FAM110B: variants seen among roughly 807,000 people sequenced by gnomAD.
FAM110B encodes family with sequence similarity 110 member B, also known as protein FAM110B.
A neutral mutation model predicts 20.4 loss-of-function variants in FAM110B; 6 were observed. That is an observed-to-expected ratio of 0.29 (90% CI 0.16 to 0.58). The LOEUF (loss-of-function observed/expected upper bound fraction) is 0.58, where lower values mean the gene tolerates loss of function less well. Ranked by LOEUF, FAM110B falls within the 20% of genes least tolerant of loss-of-function variation. The pLI is 0.90. For synonymous variants in FAM110B, 226 were observed against 214.1 expected (o/e 1.06, Z -0.49); for missense variants, 434 against 498.2 (o/e 0.87, Z 1.23).
At chr8:58,130,998 A>G (rs1413865994) in intron 3 of FAM110B, among the ~76,000 whole-genome samples, 1 of 152,098 alleles carries the variant, frequency 6.6e-6, no homozygotes, top group East Asian at 1.9e-4. Flanking sequence ...GCCCACCCTC[A>G]GCCTCCAACA....
intron 3 of FAM110B, among the ~76,000 whole-genome samples, chr8:58,093,305 T>C (rs879392146): frequency 2.0e-5 from 3 of 152,222 alleles, no homozygotes; most frequent in African/African-American, 2.4e-5. Flanking sequence ...TTTGGTGTTT[T>C]AGTCATGAAG....
At chr8:58,006,923 A>ATATATATATATATATATTTTTTTTTTTTT in intron 1 of FAM110B, among the ~76,000 whole-genome samples, 2 of 126,512 alleles carry the variant, frequency 1.6e-5, no homozygotes, top group South Asian at 2.6e-4. Flanking sequence ...ATATATATAT[A>ATATATATATATATATATTTTTTTTTTTTT]TTTTTCCAAA....
intron 2 of FAM110B, among the ~76,000 whole-genome samples, chr8:58,064,611 T>G (rs1052907679): frequency 2.0e-5 from 3 of 152,188 alleles, no homozygotes; most frequent in African/African-American, 7.2e-5. Flanking sequence ...GTATCATCTA[T>G]CCCTTGGCCT....
rs1240676570 is a variant in FAM110B, at chr8:58,147,212, C to A, written c.982C>A (p.Leu328Ile). 3.7e-6 allele frequency: 6 copies of A among 1,614,070 alleles called. No individual in the cohort carries two copies. ...ACAGTCTCAGGACAGTAACAGTGAC[C>A]TTAGAAATGATGACAGTGCCAATGA... is the stretch of plus-strand genomic sequence containing the variant. ...CEQSQDSNSD[L>I]RNDDSANDRV... Residue 328 changes from leucine to isoleucine, a missense_variant, in exon 4 of 4, where the codon CTT becomes ATT. Around this residue, in one of 3 missense-constraint regions of FAM110B, gnomAD observed 94 missense variants for 137.8 expected, o/e 0.68. Coordinates refer to ENST00000519262, the MANE Select transcript of FAM110B (RefSeq NM_001377989.1).
chr8:58,144,889 G>A (rs1365986456), intron 3 of FAM110B, among the ~76,000 whole-genome samples: 2 of 152,158 alleles, frequency 1.3e-5, no homozygotes, highest in African/African-American at 4.8e-5. Context: ...AATTACAGTA[G>A]GAATATTGAT....
chr8:58,108,187 G>A (rs1296191349), intron 3 of FAM110B, among the ~76,000 whole-genome samples: 1 of 152,200 alleles, frequency 6.6e-6, no homozygotes, highest in Non-Finnish European at 1.5e-5. Context: ...AGCCTGGGGT[G>A]AAGATTACTA....
chr8:58,104,962 GAA>G (rs374878667), intron 3 of FAM110B, among the ~76,000 whole-genome samples: 7 of 126,054 alleles, frequency 5.6e-5, no homozygotes, highest in East Asian at 2.4e-4. Flanking sequence ...TTCTTTAAAG[GAA>G]AAAAAAAAAA....
intron 2 of FAM110B, among the ~76,000 whole-genome samples, chr8:58,063,187 G>A (rs2150586278): frequency 6.6e-6 from 1 of 152,294 alleles, no homozygotes; most frequent in Non-Finnish European, 1.5e-5. Flanking sequence ...CGAGACTTTA[G>A]AGGGGCCGCT....
In FAM110B at chr8:58,138,345, T is replaced by C. The variant is rs1202449073; in HGVS notation, c.-324-7562T>C. ...TTTGAGAATACTCCTAGACCACCTT[T>C]CCCCGGCACATGTGTGGGCCGAGCA... is the stretch of plus-strand genomic sequence containing the variant. On this transcript the variant is annotated intron_variant, in intron 3 of 3. Transcript: ENST00000519262. Among the ~76,000 whole-genome samples the C allele has an allele frequency of 2.0e-5, 3 of 152,192 alleles. No individual in the cohort carries two copies. The East Asian group carries it at 5.8e-4, about 29-fold the overall frequency.
intron 1 of FAM110B, among the ~76,000 whole-genome samples, chr8:58,006,374 G>C (rs1308161790): frequency 6.6e-6 from 1 of 152,178 alleles, no homozygotes; most frequent in Non-Finnish European, 1.5e-5. Flanking sequence ...ATCAACTACA[G>C]ACACTGGCTT....
At chr8:58,127,834 T>C (rs1012281237) in intron 3 of FAM110B, among the ~76,000 whole-genome samples, 1 of 152,222 alleles carries the variant, frequency 6.6e-6, no homozygotes, top group Non-Finnish European at 1.5e-5. Context: ...AAGATCCCTA[T>C]TTATGGACAG....
At chr8:58,115,341 CAA>C (rs1807176192) in intron 3 of FAM110B, among the ~76,000 whole-genome samples, 1 of 152,164 alleles carries the variant, frequency 6.6e-6, no homozygotes, top group Non-Finnish European at 1.5e-5. Flanking sequence ...GACATACATA[CAA>C]ACACACACAC....
At chr8:58,099,713 G>C (rs1170570741) in intron 3 of FAM110B, among the ~76,000 whole-genome samples, 1 of 149,832 alleles carries the variant, frequency 6.7e-6, no homozygotes, top group Non-Finnish European at 1.5e-5. Flanking sequence ...TATGAATACT[G>C]TATGTATATC....
rs1410404017 is a variant in FAM110B at position 58,044,397 on chromosome 8, T to C, written c.-414+12694T>C. Among the ~76,000 whole-genome samples, 4 of 152,236 alleles carry C rather than the reference T, an allele frequency of 2.6e-5. No homozygotes were observed. In the East Asian group the frequency reaches 7.7e-4, roughly 29 times the overall value. On this transcript the variant is annotated intron_variant, in intron 2 of 3. Coordinates refer to ENST00000519262, the MANE Select transcript of FAM110B (RefSeq NM_001377989.1). The stretch of plus-strand genomic sequence containing the variant: ...TATATCTCTGGTAATAGTTCATGCT[T>C]TATAGGCTTACCTCAGTGCATCGAA...
chr8:58,111,458 G>A (rs775948864), intron 3 of FAM110B, among the ~76,000 whole-genome samples: 5 of 152,170 alleles, frequency 3.3e-5, no homozygotes, highest in Non-Finnish European at 7.3e-5. Flanking sequence ...TTCTGGACTT[G>A]TGAATGATGG....
At chr8:58,081,841 C>T (rs1174723039) in intron 3 of FAM110B, among the ~76,000 whole-genome samples, 1 of 151,946 alleles carries the variant, frequency 6.6e-6, no homozygotes, top group Admixed American at 6.6e-5. Flanking sequence ...ATTCATTCAA[C>T]AAATTCATAA....
rs553524121 is a variant in FAM110B, at chr8:58,008,774, T to C, written c.-512+13968T>C. On this transcript the variant is annotated intron_variant, in intron 1 of 3. Coordinates refer to ENST00000519262, the MANE Select transcript of FAM110B (RefSeq NM_001377989.1). ...AGGCTGACACCAGGTATGAGCTCCA[T>C]GAGTGGGAGAGGCCTCCACACTGCA... is the stretch of plus-strand genomic sequence containing the variant. 2.2e-4 allele frequency among the ~76,000 whole-genome samples: 33 copies of C among 152,314 alleles called. No individual in the cohort carries two copies. In the South Asian group the frequency reaches 5.4e-3, roughly 25 times the overall value.
intron 3 of FAM110B, among the ~76,000 whole-genome samples, chr8:58,129,456 C>CT (rs1265395535): frequency 1.3e-5 from 2 of 152,252 alleles, no homozygotes; most frequent in African/African-American, 4.8e-5. Context: ...ACATTAGAAG[C>CT]TGCCTCCGTT....
At chr8:58,026,106 T>C (rs1004043433) in intron 1 of FAM110B, among the ~76,000 whole-genome samples, 2 of 152,232 alleles carry the variant, frequency 1.3e-5, no homozygotes, top group African/African-American at 4.8e-5. Context: ...TTACCCCTGC[T>C]ACATGGGTTG....
Sources: allele counts gnomAD v4.1 joint callset (sites outside exome capture counted in the v4.1 genomes callset), GRCh38; gene constraint gnomAD v4.1.1; regional missense constraint gnomAD v4.1.1; transcripts MANE v1.5; gene names NCBI Gene and HGNC (gene_info 2026-07-23, HGNC 2026-07-21).